PLB1: variants seen among roughly 807,000 people sequenced by gnomAD.
The protein encoded by PLB1 is phospholipase B1, membrane-associated.
Under a neutral mutation model 227.4 loss-of-function variants are expected in PLB1, and 242 were observed. The ratio of observed to expected loss-of-function variants is 1.06; its 90% CI spans 0.96 to 1.18. PLB1 has a LOEUF of 1.18. PLB1 is among the 50% of genes most tolerant of loss of function. The pLI is 0.00. For synonymous variants in PLB1, 757 were observed against 682.2 expected (o/e 1.11, Z -1.71); for missense variants, 1,858 against 1,816.3 (o/e 1.02, Z -0.42).
chr2:28,551,788 G>A (rs1674304744), intron 16 of PLB1, among the ~76,000 whole-genome samples: 1 of 152,214 alleles, frequency 6.6e-6, no homozygotes. Context: ...TAAGTATAAA[G>A]CACTTATAAT....
intron 56 of PLB1, 49 bp from the exon 57 acceptor site, chr2:28,640,878 G>C: frequency 6.4e-7 from 1 of 1,558,292 alleles, no homozygotes; most frequent in East Asian, 2.3e-5. Context: ...AGAGAGGAAA[G>C]TGTCTCCCAG....
chr2:28,531,843 A>C (rs1671052029), intron 8 of PLB1, among the ~76,000 whole-genome samples: 1 of 152,180 alleles, frequency 6.6e-6, no homozygotes, highest in South Asian at 2.1e-4. Context: ...TCCTTAAACT[A>C]TATTTGGGGA....
rs1388748623 is a variant in PLB1, at chr2:28,591,749, A to G, written c.2177A>G (p.His726Arg). The change falls in exon 31 of 58, where the codon CAC becomes CGC. Residue 726 changes from histidine to arginine, a missense_variant. Coordinates refer to ENST00000327757, the MANE Select transcript of PLB1 (RefSeq NM_153021.5). ...PCRDRAPSAL[H>R]PTSVHALRPA... The stretch of plus-strand genomic sequence containing the variant: ...AGGGACAGAGCCCCTTCTGCCTTGC[A>G]CCCTACCTCAGGTAAGCCCCCTATG... The G allele has an allele frequency of 1.9e-6, 3 of 1,613,764 alleles. No homozygotes were observed. The South Asian group carries it at 3.3e-5, about 18-fold the overall frequency.
rs1357374714 is a variant in PLB1 at position 28,566,796 on chromosome 2, C to T, written c.1281C>T (p.Ser427=). 1.2e-6 allele frequency: 2 copies of T among 1,614,072 alleles called. No homozygotes were observed. Among genetic ancestry groups the T allele is most frequent in the African/African-American group, 1.3e-5 (1 of 75,022 alleles). Residue 427 remains serine, a splice_region_variant and synonymous_variant, in exon 20 of 58, where the codon AGC becomes AGT. Transcript: ENST00000327757. ...VLTQYRGLSW[S]VGGDENIGTV... Reference sequence around the variant, plus strand: ...TTTCTTTCTTGGACCCACGTTACAGCGTCGGCGGAGATGAGAACATCGGCA... The same window carrying T: ...TTTCTTTCTTGGACCCACGTTACAGTGTCGGCGGAGATGAGAACATCGGCA...
chr2:28,628,544 T>C lies in PLB1; in HGVS notation c.3661-19T>C. 1.2e-6 allele frequency: 2 copies of C among 1,612,700 alleles called. No homozygotes were observed. Among genetic ancestry groups the C allele is most frequent in the Non-Finnish European group, 1.7e-6 (2 of 1,178,836 alleles). On this transcript the variant is annotated intron_variant, in intron 51 of 57. Transcript: ENST00000327757. ...AGCGGGCACCAGGGGCTAAAGAGAG[T>C]ACCCTTTTTTCCTTACAGGAGGCCC...
chr2:28,626,834 C>G (rs1428876116), intron 51 of PLB1, among the ~76,000 whole-genome samples: 1 of 152,186 alleles, frequency 6.6e-6, no homozygotes, highest in African/African-American at 2.4e-5. Flanking sequence ...ACTAGCCATC[C>G]TCACCCCATC....
At chr2:28,545,252 TGCC>T (rs1558719688) in intron 14 of PLB1, among the ~76,000 whole-genome samples, 2 of 41,806 alleles carry the variant, frequency 4.8e-5, no homozygotes, top group African/African-American at 7.4e-5. Context: ...GGTTTCCCAG[TGCC>T]AGTGCAAACC....
chr2:28,541,635 T>G, intron 12 of PLB1, 72 bp from the exon 13 acceptor site: 4 of 1,134,468 alleles, frequency 3.5e-6, no homozygotes, highest in Non-Finnish European at 5.2e-6. Flanking sequence ...CCGAGAATGA[T>G]TTGGTCAGGT....
At chr2:28,616,665 G>A (rs74551348) in intron 44 of PLB1, among the ~76,000 whole-genome samples, 1,673 of 152,186 alleles carry the variant, frequency 0.011, 31 homozygotes, top group African/African-American at 0.038. Flanking sequence ...AACTTTTTAC[G>A]TTGCATTTTC....
intron 25 of PLB1, among the ~76,000 whole-genome samples, chr2:28,584,650 C>T (rs1430457426): frequency 6.6e-6 from 1 of 152,246 alleles, no homozygotes; most frequent in East Asian, 1.9e-4. Context: ...AGGTCACCTT[C>T]TCCTGCCACC....
chr2:28,569,920 C>T (rs920767954), intron 20 of PLB1, among the ~76,000 whole-genome samples: 2 of 143,152 alleles, frequency 1.4e-5, no homozygotes, highest in Non-Finnish European at 3.0e-5. Flanking sequence ...GAGCCGAGAT[C>T]ACGCCATTGC....
intron 49 of PLB1, among the ~76,000 whole-genome samples, chr2:28,624,471 T>G (rs1687460826): frequency 6.6e-6 from 1 of 152,092 alleles, no homozygotes; most frequent in Non-Finnish European, 1.5e-5. Context: ...GTTTTATTTA[T>G]GGCAGACATC....
At chr2:28,595,331 G>A (rs1315871152) in intron 33 of PLB1, 2 of 152,172 alleles carry the variant, frequency 1.3e-5, no homozygotes, top group South Asian at 2.1e-4. Context: ...CCAAATGCAC[G>A]TGTGTTAAAG....
chr2:28,546,621 C>T (rs1673303296), intron 14 of PLB1, among the ~76,000 whole-genome samples: 1 of 152,128 alleles, frequency 6.6e-6, no homozygotes, highest in African/African-American at 2.4e-5. Flanking sequence ...TTTGAAGTAA[C>T]TGTGTCATTT....
chr2:28,614,023 T>C lies in PLB1; in HGVS notation c.3130-8T>C, dbSNP rs759739064. On this transcript the variant is annotated splice_polypyrimidine_tract_variant and splice_region_variant and intron_variant, in intron 43 of 57. Coordinates refer to ENST00000327757, the MANE Select transcript of PLB1 (RefSeq NM_153021.5). Reference sequence around the variant, plus strand: ...GATAACTTCTCCATGTGTTTTTTTTTCTCTTAGAATGAGCCCTTCCTGAGA... The same window carrying C: ...GATAACTTCTCCATGTGTTTTTTTTCCTCTTAGAATGAGCCCTTCCTGAGA... The C allele has an allele frequency of 1.3e-5, 21 of 1,608,394 alleles. No individual in the cohort carries two copies. Among genetic ancestry groups the C allele is most frequent in the South Asian group, 7.7e-5 (7 of 90,974 alleles).
chr2:28,514,584 G>A (rs1558647690), intron 1 of PLB1, among the ~76,000 whole-genome samples: 1 of 152,158 alleles, frequency 6.6e-6, no homozygotes, highest in African/African-American at 2.4e-5. Flanking sequence ...TTGTTTACAT[G>A]TTGTCCATGG....
In PLB1 at chr2:28,566,856, G is replaced by A. The variant is rs771768580; in HGVS notation, c.1324+17G>A. On this transcript the variant is annotated intron_variant, in intron 20 of 57. Transcript: ENST00000327757. Reference sequence around the variant, plus strand: ...CCCTGGCGAGTGAGTACGCGGCGGCGGCCGGGATGTTTGGTTTGGGGCGGC... The same window carrying A: ...CCCTGGCGAGTGAGTACGCGGCGGCAGCCGGGATGTTTGGTTTGGGGCGGC... 30 of 1,613,784 alleles carry A rather than the reference G, an allele frequency of 1.9e-5. No homozygotes were observed. Among genetic ancestry groups the A allele is most frequent in the African/African-American group, 6.7e-5 (5 of 74,916 alleles).
chr2:28,547,591 A>G (rs1673491493), intron 14 of PLB1, among the ~76,000 whole-genome samples: 1 of 152,180 alleles, frequency 6.6e-6, no homozygotes, highest in Non-Finnish European at 1.5e-5. Context: ...GGAGGTTGGT[A>G]GAAGCTGTGA....
intron 23 of PLB1, among the ~76,000 whole-genome samples, chr2:28,581,403 T>TC (rs11372789): frequency 0.34 from 51,376 of 149,130 alleles, 9,149 homozygotes; most frequent in African/African-American, 0.4. Flanking sequence ...TGCTCGGACA[T>TC]CCCCATGTTA....
Sources: gnomAD v4.1 joint callset for allele counts (sites outside exome capture counted in the v4.1 genomes callset) on GRCh38, gnomAD v4.1.1 for gene constraint, MANE v1.5 for transcripts, NCBI Gene and HGNC (gene_info 2026-07-23, HGNC 2026-07-21) for gene names.